The following PPARGC1B variants were observed in gnomAD, a reference collection of about 807,000 sequenced individuals.
PPARGC1B encodes PPARG coactivator 1 beta, also known as peroxisome proliferator-activated receptor gamma coactivator 1-beta.
In PPARGC1B, 34 loss-of-function variants were observed where a neutral mutation model predicts 101.6. The ratio of observed to expected loss-of-function variants is 0.33; its 90% CI spans 0.25 to 0.45. The LOEUF is 0.45. PPARGC1B is among the 20% of genes least tolerant of loss of function. The pLI is 1.00. For synonymous variants in PPARGC1B, 548 were observed against 539.3 expected (o/e 1.02, Z -0.22); for missense variants, 1,234 against 1,317.6 (o/e 0.94, Z 0.98).
chr5:149,767,331 T>G (rs1755948952), intron 1 of PPARGC1B, among the ~76,000 whole-genome samples: 1 of 152,198 alleles, frequency 6.6e-6, no homozygotes, highest in East Asian at 1.9e-4. Flanking sequence ...AGAGGCAGAC[T>G]AGAAAGATTC....
chr5:149,812,105 A>G (rs1050605234), intron 1 of PPARGC1B, among the ~76,000 whole-genome samples: 1 of 152,204 alleles, frequency 6.6e-6, no homozygotes, highest in Admixed American at 6.5e-5. Flanking sequence ...GAGCTCTGCA[A>G]GCCTGAACCC....
downstream of PPARGC1B, among the ~76,000 whole-genome samples, chr5:149,856,541 C>T (rs1425022582): frequency 1.3e-5 from 2 of 152,190 alleles, no homozygotes; most frequent in Non-Finnish European, 2.9e-5. Context: ...GCCTCAAGAC[C>T]TGCCTTTGGG....
intron 10 of PPARGC1B, 180 bp from the exon 11 acceptor site, chr5:149,845,580 G>T: frequency 1.6e-6 from 1 of 616,114 alleles, no homozygotes; most frequent in Non-Finnish European, 2.8e-6. Flanking sequence ...CATATTAGCT[G>T]CTTTCATTAT....
downstream of PPARGC1B, among the ~76,000 whole-genome samples, chr5:149,856,221 A>G (rs1019763792): frequency 6.6e-6 from 1 of 152,362 alleles, no homozygotes; most frequent in South Asian, 2.1e-4. Flanking sequence ...AAACTCATAC[A>G]TATATTCTCC....
At chr5:149,770,805 C>T (rs967363610) in intron 1 of PPARGC1B, among the ~76,000 whole-genome samples, 2 of 145,170 alleles carry the variant, frequency 1.4e-5, no homozygotes, top group Non-Finnish European at 3.0e-5. Context: ...CCAGCCCGGA[C>T]AACAGAGCAA....
intron 1 of PPARGC1B, among the ~76,000 whole-genome samples, chr5:149,768,422 G>A (rs575347040): frequency 6.6e-5 from 10 of 150,698 alleles, no homozygotes; most frequent in African/African-American, 2.2e-4. Context: ...CTATAGGCAC[G>A]TGCCACCATG....
chr5:149,735,030 ACTT>A (rs1754649168), intron 1 of PPARGC1B, among the ~76,000 whole-genome samples: 1 of 152,140 alleles, frequency 6.6e-6, no homozygotes, highest in African/African-American at 2.4e-5. Context: ...GCCAGGGCCA[ACTT>A]CTTTTTCAAA....
intron 1 of PPARGC1B, among the ~76,000 whole-genome samples, chr5:149,798,544 G>A (rs1275815387): frequency 3.3e-5 from 5 of 152,136 alleles, no homozygotes; most frequent in Non-Finnish European, 7.3e-5. Flanking sequence ...GTTGATTCCC[G>A]TGCTGCCTGT....
At chr5:149,790,091 T>C (rs1048084900) in intron 1 of PPARGC1B, among the ~76,000 whole-genome samples, 4 of 152,126 alleles carry the variant, frequency 2.6e-5, no homozygotes, top group Non-Finnish European at 5.9e-5. Context: ...TGTCTATAAA[T>C]AGAGATGATA....
chr5:149,795,576 G>C (rs1403712808), intron 1 of PPARGC1B, among the ~76,000 whole-genome samples: 2 of 152,156 alleles, frequency 1.3e-5, no homozygotes, highest in African/African-American at 2.4e-5. Context: ...GGAGTTTCCA[G>C]GGCACCAAAT....
chr5:149,845,195 G>C (rs1289954494), intron 10 of PPARGC1B, among the ~76,000 whole-genome samples: 1 of 152,226 alleles, frequency 6.6e-6, no homozygotes, highest in Non-Finnish European at 1.5e-5. Flanking sequence ...TGAAGGGCAA[G>C]ATGCGTGCAG....
At chr5:149,798,123 G>A (rs966791820) in intron 1 of PPARGC1B, among the ~76,000 whole-genome samples, 1 of 152,102 alleles carries the variant, frequency 6.6e-6, no homozygotes, top group Admixed American at 6.5e-5. Context: ...TCTTGGCCAG[G>A]GCCACACAGC....
chr5:149,751,003 T>TTTATA (rs3042334), intron 1 of PPARGC1B, among the ~76,000 whole-genome samples: 88,899 of 151,678 alleles, frequency 0.59, 26,437 homozygotes, highest in South Asian at 0.72. Context: ...ACTTAAATGT[T>TTTATA]TTACTATAAC....
At chr5:149,742,756 C>T (rs1206721086) in intron 1 of PPARGC1B, among the ~76,000 whole-genome samples, 1 of 152,108 alleles carries the variant, frequency 6.6e-6, no homozygotes, top group African/African-American at 2.4e-5. Context: ...AATCACCTAG[C>T]TAGGAAGTAG....
intron 1 of PPARGC1B, among the ~76,000 whole-genome samples, chr5:149,742,545 A>G (rs1160450287): frequency 6.6e-6 from 1 of 152,228 alleles, no homozygotes; most frequent in African/African-American, 2.4e-5. Flanking sequence ...CTTGGCAGGC[A>G]GTGGGGAGTT....
chr5:149,810,730 G>GTGGCCT (rs1407688642), intron 1 of PPARGC1B, among the ~76,000 whole-genome samples: 2 of 152,208 alleles, frequency 1.3e-5, no homozygotes, highest in Non-Finnish European at 2.9e-5. Context: ...GGTCTGGACA[G>GTGGCCT]GTCACACGGG....
At chr5:149,818,490 T>C (rs1758144585) in intron 1 of PPARGC1B, among the ~76,000 whole-genome samples, 1 of 152,192 alleles carries the variant, frequency 6.6e-6, no homozygotes, top group African/African-American at 2.4e-5. Context: ...GACCTGGGCC[T>C]GTTGCCGCCT....
intron 1 of PPARGC1B, among the ~76,000 whole-genome samples, chr5:149,780,196 C>G (rs1049942391): frequency 1.3e-5 from 2 of 152,088 alleles, no homozygotes; most frequent in African/African-American, 4.8e-5. Flanking sequence ...ACCCACACAC[C>G]CAGAGCACAG....
intron 1 of PPARGC1B, among the ~76,000 whole-genome samples, chr5:149,743,864 T>C (rs1352074061): frequency 1.3e-5 from 2 of 152,190 alleles, no homozygotes; most frequent in Non-Finnish European, 2.9e-5. Flanking sequence ...AAACCACTGC[T>C]AGGAATCCAG....
Sources: gnomAD v4.1 joint callset for allele counts (sites outside exome capture counted in the v4.1 genomes callset) on GRCh38, gnomAD v4.1.1 for gene constraint, MANE v1.5 for transcripts, NCBI Gene and HGNC (gene_info 2026-07-23, HGNC 2026-07-21) for gene names.